The following SLC9C1 variants were observed in gnomAD, a reference collection of about 807,000 sequenced individuals.
The protein encoded by SLC9C1 is sodium/hydrogen exchanger 10.
A neutral mutation model predicts 140.9 loss-of-function variants in SLC9C1; 97 were observed. The observed-to-expected ratio is 0.69, with a 90% CI of 0.58 to 0.82. SLC9C1 has a LOEUF of 0.82. SLC9C1 is among the 40% of genes least tolerant of loss of function. The pLI is 0.00. For synonymous variants in SLC9C1, 440 were observed against 442.6 expected (o/e 0.99, Z 0.07); for missense variants, 1,340 against 1,389.3 (o/e 0.96, Z 0.56).
At position 112,280,724 on chromosome 3, in the gene SLC9C1, G is replaced by A. The variant is rs752001066; in HGVS notation, c.148C>T (p.Leu50Phe). Reference sequence around the variant, plus strand: ...CTTAATACTTCAAAACTGCATCCAAGTAAAAATAATATCACAGGGACAGGA... The same window carrying A: ...CTTAATACTTCAAAACTGCATCCAAATAAAAATAATATCACAGGGACAGGA... ...PIPVPVILFL[L>F]GCSFEVLSFT... The change falls in exon 3 of 29, where the codon CTT (leucine) becomes TTT (phenylalanine). Residue 50 changes from leucine to phenylalanine, a missense_variant. Physicochemically the swap from Leu to Phe is conservative, Grantham distance 22. Coordinates refer to ENST00000305815, the MANE Select transcript of SLC9C1 (RefSeq NM_183061.3). 3.7e-6 allele frequency: 6 copies of A among 1,611,900 alleles called. No individual in the cohort carries two copies. The highest frequency in any genetic ancestry group is 5.1e-6 in the Non-Finnish European group (6 of 1,179,468).
At chr3:112,180,430 G>A (rs1360089878) in intron 22 of SLC9C1, 134 bp downstream of exon 22, 2 of 562,388 alleles carry the variant, frequency 3.6e-6, no homozygotes, top group African/African-American at 4.0e-5. Context: ...GGCTGAGGCA[G>A]GAGTATCACT....
At chr3:112,163,462 G>A (rs2075368258) in intron 26 of SLC9C1, among the ~76,000 whole-genome samples, 1 of 150,834 alleles carries the variant, frequency 6.6e-6, no homozygotes, top group South Asian at 2.1e-4. Flanking sequence ...AGAGATTCTG[G>A]TATGTTGTCT....
At chr3:112,167,126 T>C (rs2077155497) in intron 26 of SLC9C1, 95 bp downstream of exon 26, 2 of 1,401,588 alleles carry the variant, frequency 1.4e-6, no homozygotes, top group Non-Finnish European at 2.0e-6. Flanking sequence ...CTCAATATAT[T>C]AGGCAGAATG....
intron 28 of SLC9C1, among the ~76,000 whole-genome samples, chr3:112,142,408 C>T (rs1304679403): frequency 6.6e-6 from 1 of 152,130 alleles, no homozygotes; most frequent in East Asian, 1.9e-4. Flanking sequence ...TCATGTTGTA[C>T]ACATTAGTCC....
intron 21 of SLC9C1, 52 bp downstream of exon 21, chr3:112,182,081 G>T: frequency 8.2e-7 from 1 of 1,225,120 alleles, no homozygotes; most frequent in South Asian, 2.2e-5. Context: ...TTATTTTAAA[G>T]ATTATTTGTT....
chr3:112,154,130 A>G (rs2075062202), intron 27 of SLC9C1, among the ~76,000 whole-genome samples: 1 of 152,200 alleles, frequency 6.6e-6, no homozygotes, highest in African/African-American at 2.4e-5. Context: ...TAATAGAACA[A>G]ATAGGCTTAA....
intron 15 of SLC9C1, among the ~76,000 whole-genome samples, chr3:112,210,242 C>T (rs1560069829): frequency 6.6e-6 from 1 of 152,100 alleles, no homozygotes; most frequent in African/African-American, 2.4e-5. Flanking sequence ...TTCATAATAG[C>T]CAAAAGGCAG....
Position 112,169,012 on chromosome 3 carries a change from A to G in SLC9C1, c.3102T>C (p.Asp1034=). The change falls in exon 25 of 29, where the codon GAT becomes GAC. Residue 1034 remains aspartate (D), a synonymous_variant. Coordinates refer to ENST00000305815, the MANE Select transcript of SLC9C1 (RefSeq NM_183061.3). The part of the protein sequence containing the change: ...QLKLSNIYVV[D]IPMSTKTDIY... ...TATCAGTTTTGGTACTCATTGGTAT[A>G]TCTACTACATAAATATTAGAGAGCT... is the stretch of plus-strand genomic sequence containing the variant. The G allele has an allele frequency of 6.2e-7, 1 of 1,604,424 alleles. No homozygotes were observed. Among genetic ancestry groups the G allele is most frequent in the Non-Finnish European group, 8.5e-7 (1 of 1,177,312 alleles).
At chr3:112,210,059 T>C (rs569004938) in intron 15 of SLC9C1, among the ~76,000 whole-genome samples, 6 of 152,346 alleles carry the variant, frequency 3.9e-5, no homozygotes, top group African/African-American at 1.4e-4. Flanking sequence ...GAAGGACTTA[T>C]ACTTCCTGAT....
intron 23 of SLC9C1, among the ~76,000 whole-genome samples, chr3:112,177,005 C>CTTTTTTT (rs57879370): frequency 1.9e-5 from 2 of 104,722 alleles, no homozygotes; most frequent in Admixed American, 1.0e-4. Flanking sequence ...CTCTCTCTCT[C>CTTTTTTT]TTTTTTTTTT....
intron 6 of SLC9C1, among the ~76,000 whole-genome samples, chr3:112,273,591 G>A (rs186707489): frequency 6.6e-6 from 1 of 152,198 alleles, no homozygotes; most frequent in East Asian, 1.9e-4. Context: ...TCCTCAGGAT[G>A]ATTCTTCTTG....
At chr3:112,159,099 T>A (rs1382099779) in intron 26 of SLC9C1, among the ~76,000 whole-genome samples, 4 of 151,838 alleles carry the variant, frequency 2.6e-5, no homozygotes, top group Non-Finnish European at 5.9e-5. Flanking sequence ...GATTTTTTTT[T>A]AAGAGTTTCT....
At chr3:112,156,197 A>C (rs770830031) in intron 26 of SLC9C1, among the ~76,000 whole-genome samples, 25 of 152,026 alleles carry the variant, frequency 1.6e-4, no homozygotes, top group Non-Finnish European at 3.4e-4. Flanking sequence ...ATGGTACTCT[A>C]TACTTCTATG....
chr3:112,232,237 G>C (rs2078848699), intron 12 of SLC9C1, among the ~76,000 whole-genome samples: 1 of 152,214 alleles, frequency 6.6e-6, no homozygotes, highest in East Asian at 1.9e-4. Context: ...TACCAGAGTG[G>C]TGGCCCCAAC....
rs564252554 is a variant in SLC9C1, at chr3:112,154,946, G to A, written c.3417+51C>T. 117 of 1,512,348 alleles carry A rather than the reference G, an allele frequency of 7.7e-5. No homozygotes were observed. The Middle Eastern group carries it at 8.3e-4, about 11-fold the overall frequency. The allele number at this position is 1,512,348 out of a possible 1,614,324, so 93.7% of individuals were successfully genotyped here. A position where few individuals can be genotyped will look rare whatever the true frequency, so the allele number is the denominator to read the frequency against. On this transcript the variant is annotated intron_variant, in intron 27 of 28. Transcript: ENST00000305815. Reference sequence around the variant, plus strand: ...ACATTGGTAGTTTCCATAAATTCTAGACTCTCTTTTACCCAAAATACAACT... The same window carrying A: ...ACATTGGTAGTTTCCATAAATTCTAAACTCTCTTTTACCCAAAATACAACT...
intron 20 of SLC9C1, among the ~76,000 whole-genome samples, 168 bp downstream of exon 20, chr3:112,199,153 C>T (rs538322486): frequency 6.6e-6 from 1 of 151,470 alleles, no homozygotes; most frequent in East Asian, 1.9e-4. Flanking sequence ...ACCACCTGGG[C>T]TGCAGGAAGG....
At chr3:112,293,051 T>C (rs1035604743) in intron 1 of SLC9C1, among the ~76,000 whole-genome samples, 26 of 150,204 alleles carry the variant, frequency 1.7e-4, no homozygotes, top group African/African-American at 5.4e-4. Flanking sequence ...GGTGGATCAC[T>C]TGAGATCAGG....
intron 12 of SLC9C1, among the ~76,000 whole-genome samples, chr3:112,234,010 T>C (rs1210013653): frequency 6.6e-6 from 1 of 152,206 alleles, no homozygotes; most frequent in Non-Finnish European, 1.5e-5. Flanking sequence ...ATGGGATGGC[T>C]GGGTCAAATG....
At chr3:112,228,849 C>A (rs2078747726) in intron 13 of SLC9C1, among the ~76,000 whole-genome samples, 1 of 151,904 alleles carries the variant, frequency 6.6e-6, no homozygotes, top group Non-Finnish European at 1.5e-5. Context: ...CTTTCCCTGG[C>A]TAGAATACAA....
Sources: gnomAD v4.1 joint callset for allele counts (sites outside exome capture counted in the v4.1 genomes callset) on GRCh38, gnomAD v4.1.1 for gene constraint, MANE v1.5 for transcripts, NCBI Gene and HGNC (gene_info 2026-07-23, HGNC 2026-07-21) for gene names.